JMJD1C: variants seen among roughly 807,000 people sequenced by gnomAD.
JMJD1C encodes jumonji domain-containing protein 1C.
In JMJD1C, 31 loss-of-function variants were observed where a neutral mutation model predicts 245.3. The observed-to-expected ratio is 0.13, with a 90% CI of 0.09 to 0.17. The LOEUF is 0.17. Ranked by LOEUF, JMJD1C falls within the 10% of genes least tolerant of loss-of-function variation. JMJD1C has a pLI of 1.00. For synonymous variants in JMJD1C, 1,057 were observed against 1,017.4 expected, an observed-to-expected ratio of 1.04 and a Z score of -0.74; for missense variants, 2,691 against 3,000.2, an observed-to-expected ratio of 0.90 and a Z score of 2.41.
chr10:63,475,205 G>T (rs768819129), intron 1 of JMJD1C, among the ~76,000 whole-genome samples: 14 of 151,992 alleles, frequency 9.2e-5, no homozygotes, highest in Non-Finnish European at 1.8e-4. Flanking sequence ...TGCTCAGTTC[G>T]ATTAGGACTG....
At chr10:63,340,637 A>G (rs1206865504) in intron 2 of JMJD1C, among the ~76,000 whole-genome samples, 1 of 152,166 alleles carries the variant, frequency 6.6e-6, no homozygotes, top group Non-Finnish European at 1.5e-5. Context: ...CCATATATTA[A>G]TATAACGTGA....
At chr10:63,246,346 A>G (rs1186867255) in intron 3 of JMJD1C, among the ~76,000 whole-genome samples, 2 of 152,258 alleles carry the variant, frequency 1.3e-5, no homozygotes, top group East Asian at 3.9e-4. Flanking sequence ...AAACATAGAG[A>G]TTCAATTTGG....
intron 2 of JMJD1C, among the ~76,000 whole-genome samples, chr10:63,312,154 C>T (rs1052747180): frequency 7.6e-6 from 1 of 132,324 alleles, no homozygotes; most frequent in African/African-American, 2.8e-5. Context: ...GTTGCCCAGG[C>T]TGGAGTGCAA....
chr10:63,270,750 G>A (rs769738762), intron 2 of JMJD1C, among the ~76,000 whole-genome samples: 1 of 152,152 alleles, frequency 6.6e-6, no homozygotes, highest in East Asian at 1.9e-4. Flanking sequence ...TTTCAGGCAT[G>A]AGTCACCCTG....
chr10:63,305,877 C>G lies in JMJD1C; in HGVS notation c.334-41113G>C, dbSNP rs1024372248. Among the ~76,000 whole-genome samples, 3 of 152,040 alleles carry G rather than the reference C, an allele frequency of 2.0e-5. No individual in the cohort carries two copies. The South Asian group carries it at 6.2e-4, about 32-fold the overall frequency. ...CCTTCTGAGTAGCTGGGACTATAGG[C>G]ATGTGCAAACTAATTTTTTTATTTT... On this transcript the variant is annotated intron_variant, in intron 2 of 25. Transcript: ENST00000399262.
chr10:63,230,051 A>C (rs1849773842), intron 3 of JMJD1C, among the ~76,000 whole-genome samples: 1 of 152,206 alleles, frequency 6.6e-6, no homozygotes. Flanking sequence ...GCAAATCATT[A>C]AATTTGGCAT....
intron 1 of JMJD1C, among the ~76,000 whole-genome samples, chr10:63,452,742 A>C (rs2133031770): frequency 1.3e-5 from 2 of 152,324 alleles, no homozygotes; most frequent in Middle Eastern, 6.8e-3. Flanking sequence ...AGCCATAAAA[A>C]AGAAGTGAAG....
intron 3 of JMJD1C, among the ~76,000 whole-genome samples, chr10:63,225,321 C>T (rs1044261788): frequency 2.6e-5 from 4 of 152,080 alleles, no homozygotes; most frequent in Non-Finnish European, 5.9e-5. Context: ...GTTCACTAAG[C>T]ATCTGCTTTA....
At chr10:63,356,146 T>G (rs1283310663) in intron 2 of JMJD1C, among the ~76,000 whole-genome samples, 1 of 152,126 alleles carries the variant, frequency 6.6e-6, no homozygotes, top group Non-Finnish European at 1.5e-5. Context: ...ACAAAAGGGA[T>G]TGTAAAAGAT....
intron 1 of JMJD1C, among the ~76,000 whole-genome samples, chr10:63,505,308 G>T (rs1388148904): frequency 7.4e-6 from 1 of 136,038 alleles, no homozygotes; most frequent in African/African-American, 2.9e-5. Flanking sequence ...CAGTAGGAGA[G>T]TCCGTCTCAA....
intron 16 of JMJD1C, among the ~76,000 whole-genome samples, chr10:63,192,071 A>G (rs1487502217): frequency 2.0e-5 from 3 of 151,354 alleles, no homozygotes; most frequent in South Asian, 4.2e-4. Flanking sequence ...TCTGGTGGCT[A>G]TATCAATATG....
chr10:63,318,613 T>C (rs1206918973), intron 2 of JMJD1C, among the ~76,000 whole-genome samples: 2 of 152,092 alleles, frequency 1.3e-5, no homozygotes, highest in Admixed American at 6.6e-5. Flanking sequence ...TGTCCAGAAC[T>C]CTTACGTAAG....
intron 2 of JMJD1C, among the ~76,000 whole-genome samples, chr10:63,369,019 T>A (rs1380721668): frequency 6.6e-6 from 1 of 152,166 alleles, no homozygotes; most frequent in Non-Finnish European, 1.5e-5. Context: ...TAAAGCCTCC[T>A]CAGGGTGTAA....
chr10:63,215,485 T>C, intron 6 of JMJD1C, 30 bp from the exon 7 acceptor site: 9 of 1,612,828 alleles, frequency 5.6e-6, no homozygotes, highest in Non-Finnish European at 6.8e-6. Context: ...AGTAATTGTT[T>C]ACTACCTGGT....
intron 2 of JMJD1C, among the ~76,000 whole-genome samples, chr10:63,349,100 CAAAA>C (rs71463516): frequency 5.7e-5 from 2 of 34,872 alleles, no homozygotes; most frequent in African/African-American, 2.4e-4. Flanking sequence ...GACTCTGTCT[CAAAA>C]AAAAAAAAAA....
intron 2 of JMJD1C, among the ~76,000 whole-genome samples, chr10:63,371,941 TATAA>T (rs1946355177): frequency 6.6e-6 from 1 of 152,220 alleles, no homozygotes; most frequent in African/African-American, 2.4e-5. Context: ...GAAATTCAAT[TATAA>T]ATATGTAAAA....
At chr10:63,423,474 C>G (rs111510227) in intron 1 of JMJD1C, among the ~76,000 whole-genome samples, 2,055 of 152,330 alleles carry the variant, frequency 0.013, 36 homozygotes, top group African/African-American at 0.038. Flanking sequence ...TATGTTGTAT[C>G]ATGCCTCAGA....
At chr10:63,272,531 C>T (rs1856428663) in intron 2 of JMJD1C, among the ~76,000 whole-genome samples, 1 of 152,184 alleles carries the variant, frequency 6.6e-6, no homozygotes, top group East Asian at 1.9e-4. Flanking sequence ...GGATTACAGG[C>T]ATGAGCCACT....
intron 1 of JMJD1C, among the ~76,000 whole-genome samples, chr10:63,483,402 T>TGG (rs1372310172): frequency 6.6e-6 from 1 of 152,212 alleles, no homozygotes; most frequent in Non-Finnish European, 1.5e-5. Context: ...ACATAAGTTT[T>TGG]GGAGGGGGAG....
Sources: allele counts gnomAD v4.1 joint callset (sites outside exome capture counted in the v4.1 genomes callset), GRCh38; gene constraint gnomAD v4.1.1; transcripts MANE v1.5; gene names NCBI Gene and HGNC (gene_info 2026-07-23, HGNC 2026-07-21).